Variants in CCDC149 observed in about 807,000 individuals in gnomAD.
The protein encoded by CCDC149 is coiled-coil domain containing 149, also known as coiled-coil domain-containing protein 149.
CCDC149 carries 45 observed loss-of-function variants against 59.9 expected under a neutral mutation model. The observed-to-expected ratio is 0.75, with a 90% confidence interval of 0.59 to 0.96. The LOEUF (loss-of-function observed/expected upper bound fraction) is 0.96, where lower values mean the gene tolerates loss of function less well. CCDC149 is among the 40% of genes least tolerant of loss of function. CCDC149 has a pLI of 0.00. For missense variants in CCDC149, 584 were observed against 664.7 expected (o/e 0.88, Z 1.33); for synonymous variants, 245 against 260.6 (o/e 0.94, Z 0.58).
At chr4:24,919,555 C>T (rs897721247) in intron 1 of CCDC149, among the ~76,000 whole-genome samples, 7 of 152,110 alleles carry the variant, frequency 4.6e-5, no homozygotes, top group African/African-American at 1.4e-4. Flanking sequence ...TTGGAAAGCT[C>T]TGGGAGGGGC....
intron 8 of CCDC149, among the ~76,000 whole-genome samples, chr4:24,834,664 G>A (rs894271414): frequency 6.6e-6 from 1 of 152,130 alleles, no homozygotes. Flanking sequence ...TCCCAAAGTG[G>A]GGTCCCTAAT....
intron 4 of CCDC149, among the ~76,000 whole-genome samples, chr4:24,842,729 G>A (rs1009504673): frequency 5.9e-5 from 9 of 152,176 alleles, no homozygotes; most frequent in African/African-American, 2.2e-4. Context: ...TCTGCCAAGG[G>A]CCTGCTCAGT....
intron 1 of CCDC149, among the ~76,000 whole-genome samples, chr4:24,949,945 G>T (rs1723234615): frequency 6.6e-6 from 1 of 152,200 alleles, no homozygotes; most frequent in Admixed American, 6.5e-5. Context: ...CAGCAGAGGT[G>T]GCCGTGAAGA....
rs1045618796 is a variant in CCDC149, at chr4:24,957,450, G to T, written c.-65+22619C>A. 5.9e-5 allele frequency among the ~76,000 whole-genome samples: 9 copies of T among 152,186 alleles called. No homozygotes were observed. The South Asian group carries it at 6.2e-4, about 10-fold the overall frequency. On this transcript the variant is annotated intron_variant, in intron 1 of 12. Coordinates refer to the CCDC149 transcript ENST00000389609. ...GCCTACTGATTTATTGACTTGATAT[G>T]AAGGTGTTGGCCTAAAAGGGACCAC... is the stretch of plus-strand genomic sequence containing the variant.
chr4:24,945,338 AGAG>A (rs998624547), intron 1 of CCDC149, among the ~76,000 whole-genome samples: 17 of 152,358 alleles, frequency 1.1e-4, no homozygotes, highest in African/African-American at 3.1e-4. Context: ...CCTTATAAAG[AGAG>A]GAGAAGAGAC....
At chr4:24,856,003 G>A (rs1009140374) in intron 3 of CCDC149, among the ~76,000 whole-genome samples, 2 of 152,208 alleles carry the variant, frequency 1.3e-5, no homozygotes, top group African/African-American at 4.8e-5. Flanking sequence ...GCAACACATA[G>A]TTATTTGATC....
intron 1 of CCDC149, 135 bp from the exon 2 acceptor site, chr4:24,876,832 T>C: frequency 1.2e-6 from 1 of 831,466 alleles, no homozygotes; most frequent in Non-Finnish European, 1.8e-6. Flanking sequence ...AGAGAGACAT[T>C]TTTCAGCAAA....
intron 8 of CCDC149, among the ~76,000 whole-genome samples, chr4:24,833,493 A>G (rs1208676349): frequency 1.3e-5 from 2 of 152,120 alleles, no homozygotes; most frequent in African/African-American, 4.8e-5. Context: ...GCATGGTAGC[A>G]CACGCCTGTA....
intron 1 of CCDC149, among the ~76,000 whole-genome samples, chr4:24,895,606 C>T (rs1035727897): frequency 6.6e-6 from 1 of 152,202 alleles, no homozygotes; most frequent in Admixed American, 6.5e-5. Flanking sequence ...ACTTTCTTCT[C>T]AAACCTTTCC....
chr4:24,883,642 G>A (rs1577448185), intron 1 of CCDC149, among the ~76,000 whole-genome samples: 1 of 152,162 alleles, frequency 6.6e-6, no homozygotes, highest in East Asian at 1.9e-4. Flanking sequence ...ACCGCCTGCT[G>A]CCCCCTACAT....
intron 9 of CCDC149, among the ~76,000 whole-genome samples, chr4:24,824,338 T>C (rs1488567729): frequency 6.6e-6 from 1 of 152,024 alleles, no homozygotes; most frequent in East Asian, 1.9e-4. Flanking sequence ...GGGCTGGAGG[T>C]AGTAAAATGG....
chr4:24,811,743 C>T (rs1036257584), intron 12 of CCDC149, among the ~76,000 whole-genome samples: 7 of 152,090 alleles, frequency 4.6e-5, no homozygotes, highest in Admixed American at 2.0e-4. Flanking sequence ...TGTGGTAGCG[C>T]GTGCCTGTAA....
In CCDC149 at chr4:24,912,867, C is replaced by T. The variant is rs770389247; in HGVS notation, c.13G>A (p.Ala5Thr). ...CTCTCAGTCCGGTCGCCGTTCATGG[C>T]CTCCTCCTCCATGCGCTGGCCGGCC... Residue 5 changes from alanine to threonine, a missense_variant, in exon 1 of 13, where the codon GCC (alanine) becomes ACC (threonine). Physicochemically the swap from Ala to Thr is moderately conservative, Grantham distance 58. Coordinates refer to ENST00000635206, the MANE Select transcript of CCDC149 (RefSeq NM_001330643.2). 2 of 1,370,676 alleles carry T rather than the reference C, an allele frequency of 1.5e-6. No homozygotes were observed. Among genetic ancestry groups the T allele is most frequent in the African/African-American group, 1.5e-5 (1 of 65,426 alleles). 84.9% of individuals were successfully genotyped at this position (1,370,676 alleles called of 1,614,324 possible).
chr4:24,878,005 A>G (rs549244080), intron 1 of CCDC149, among the ~76,000 whole-genome samples: 98 of 152,364 alleles, frequency 6.4e-4, no homozygotes, highest in African/African-American at 2.2e-3. Context: ...GTTTCATTAT[A>G]CACTCTGACA....
chr4:24,950,090 A>G (rs1281838831), intron 1 of CCDC149, among the ~76,000 whole-genome samples: 1 of 152,166 alleles, frequency 6.6e-6, no homozygotes, highest in Non-Finnish European at 1.5e-5. Context: ...AACTCAAGAG[A>G]GAAATTGTTG....
At chr4:24,903,800 CTTT>C (rs11344947) in intron 1 of CCDC149, among the ~76,000 whole-genome samples, 80 of 124,458 alleles carry the variant, frequency 6.4e-4, no homozygotes, top group South Asian at 5.2e-3. Flanking sequence ...TAATTTTTAG[CTTT>C]TTTTTTTTTT....
chr4:24,824,475 T>A (rs1333984874), intron 9 of CCDC149, among the ~76,000 whole-genome samples: 1 of 152,236 alleles, frequency 6.6e-6, no homozygotes, highest in African/African-American at 2.4e-5. Flanking sequence ...TCAGAGGCCA[T>A]GCTGAACACT....
chr4:24,824,429 ACAGT>A (rs1715596956), intron 9 of CCDC149, among the ~76,000 whole-genome samples: 2 of 152,184 alleles, frequency 1.3e-5, no homozygotes, highest in Admixed American at 1.3e-4. Flanking sequence ...GTTAACACAA[ACAGT>A]CAACTAATCT....
chr4:24,843,287 C>T (rs1717051566), intron 4 of CCDC149, among the ~76,000 whole-genome samples: 1 of 152,218 alleles, frequency 6.6e-6, no homozygotes, highest in South Asian at 2.1e-4. Flanking sequence ...GATGCTAGCC[C>T]TTTCTTGCCC....
Sources: gnomAD v4.1 joint callset for allele counts (sites outside exome capture counted in the v4.1 genomes callset) on GRCh38, gnomAD v4.1.1 for gene constraint, MANE v1.5 for transcripts, NCBI Gene and HGNC (gene_info 2026-07-23, HGNC 2026-07-21) for gene names.